The following AK8 variants were observed in gnomAD, a reference collection of about 807,000 sequenced individuals.
AK8 encodes ATP-AMP transphosphorylase 8.
In AK8, 44 loss-of-function variants were observed where a neutral mutation model predicts 54.6. The ratio of observed to expected loss-of-function variants is 0.81; its 90% CI spans 0.63 to 1.04. AK8 has a LOEUF of 1.04. AK8 is among the 50% of genes least tolerant of loss of function. The pLI is 0.00. For synonymous variants in AK8, 239 were observed against 245.6 expected, an observed-to-expected ratio of 0.97 and a Z score of 0.25; for missense variants, 555 against 613.6, an observed-to-expected ratio of 0.90 and a Z score of 1.01.
At chr9:132,846,236 G>A (rs1463987486) in intron 5 of AK8, among the ~76,000 whole-genome samples, 3 of 152,246 alleles carry the variant, frequency 2.0e-5, no homozygotes, top group Non-Finnish European at 4.4e-5. Context: ...GTGGTATCCA[G>A]ACACCCACCC....
chr9:132,730,090 T>C (rs1022684824), intron 11 of AK8, among the ~76,000 whole-genome samples: 2 of 152,148 alleles, frequency 1.3e-5, no homozygotes, highest in Admixed American at 6.5e-5. Context: ...AAACTAAATA[T>C]GGTTTCAGGA....
chr9:132,869,721 T>C (rs938154433), intron 2 of AK8, among the ~76,000 whole-genome samples: 1 of 152,104 alleles, frequency 6.6e-6, no homozygotes, highest in African/African-American at 2.4e-5. Flanking sequence ...AGGACAAGTA[T>C]GGAAACCAGG....
In AK8 at chr9:132,804,566, G is replaced by C. The variant is rs541386886; in HGVS notation, c.979+10072C>G. ...GGCTTCCACAGGCTCTTCCCAGGGA[G>C]GGGGGTGGGAGCAGGTACATCCCTC... On this transcript the variant is annotated intron_variant, in intron 10 of 12. Coordinates refer to ENST00000298545, the MANE Select transcript of AK8 (RefSeq NM_152572.3). Among the ~76,000 whole-genome samples, 10 of 152,176 alleles carry C rather than the reference G, an allele frequency of 6.6e-5. No individual in the cohort carries two copies. In the Middle Eastern group the frequency reaches 0.01, roughly 155 times the overall value.
intron 2 of AK8, among the ~76,000 whole-genome samples, chr9:132,870,981 C>T (rs1380731283): frequency 6.6e-6 from 1 of 152,236 alleles, no homozygotes; most frequent in Non-Finnish European, 1.5e-5. Context: ...TATGGTGGCT[C>T]ATGCCTGTAA....
intron 11 of AK8, among the ~76,000 whole-genome samples, chr9:132,786,881 T>C (rs1405627828): frequency 1.3e-5 from 2 of 151,982 alleles, no homozygotes; most frequent in African/African-American, 4.8e-5. Flanking sequence ...AAATCAAATA[T>C]GTCATTAACA....
chr9:132,785,600 T>C (rs770265678), intron 11 of AK8, among the ~76,000 whole-genome samples: 6 of 151,906 alleles, frequency 3.9e-5, no homozygotes, highest in South Asian at 4.2e-4. Flanking sequence ...AAAGAAAAGA[T>C]GGAAAACAAA....
At chr9:132,800,295 T>TTGG (rs1309757832) in intron 10 of AK8, among the ~76,000 whole-genome samples, 1 of 152,186 alleles carries the variant, frequency 6.6e-6, no homozygotes, top group African/African-American at 2.4e-5. Context: ...GGTGTTTCTG[T>TTGG]TGGTGATGCC....
chr9:132,878,498 C>T (rs1049181407), upstream of AK8: 14 of 1,203,788 alleles, frequency 1.2e-5, no homozygotes, highest in Non-Finnish European at 1.4e-5. The surrounding 1 kb of genome is among the most constrained non-coding windows in gnomAD (Gnocchi z 4.7). Context: ...CGGGGGACAC[C>T]CTCAGGTGGC....
rs933181186 is a variant in AK8 at position 132,837,419 on chromosome 9, G to A, written c.403-8693C>T. Reference sequence around the variant, plus strand: ...CCTGCTAGCTCTCGGGAGCAGACGTGGCACCTCTGACTCTCTGCTCAGCCT... The same window carrying A: ...CCTGCTAGCTCTCGGGAGCAGACGTAGCACCTCTGACTCTCTGCTCAGCCT... On this transcript the variant is annotated intron_variant, in intron 5 of 12. Coordinates refer to ENST00000298545, the MANE Select transcript of AK8 (RefSeq NM_152572.3). The surrounding 1 kb of genome is among the most constrained non-coding windows in gnomAD (Gnocchi z 4.3). 6.6e-6 allele frequency among the ~76,000 whole-genome samples: 1 copy of A among 152,032 alleles called. No homozygotes were observed. Among genetic ancestry groups the A allele is most frequent in the Admixed American group, 6.5e-5 (1 of 15,270 alleles).
intron 11 of AK8, among the ~76,000 whole-genome samples, chr9:132,731,376 T>C (rs1191702497): frequency 6.6e-6 from 1 of 152,072 alleles, no homozygotes; most frequent in African/African-American, 2.4e-5. Context: ...AAAGGATTCT[T>C]TTGGGCGTGT....
At chr9:132,798,284 G>A (rs376439721) in intron 10 of AK8, among the ~76,000 whole-genome samples, 1 of 152,202 alleles carries the variant, frequency 6.6e-6, no homozygotes, top group African/African-American at 2.4e-5. Flanking sequence ...CCTCTCTGAG[G>A]CTCGGTGTCT....
chr9:132,725,986 G>T, intron 12 of AK8, 61 bp from the exon 13 acceptor site: 1 of 1,486,716 alleles, frequency 6.7e-7, no homozygotes, highest in Non-Finnish European at 9.3e-7. Context: ...GGGAGAAAGG[G>T]ACCCTCTACT....
chr9:132,755,746 A>G (rs1292380135), intron 11 of AK8, among the ~76,000 whole-genome samples: 1 of 151,238 alleles, frequency 6.6e-6, no homozygotes, highest in Non-Finnish European at 1.5e-5. Flanking sequence ...GCCTCAGGCC[A>G]ATGACTGGCT....
intron 4 of AK8, among the ~76,000 whole-genome samples, 182 bp downstream of exon 4, chr9:132,863,483 C>T (rs1248871171): frequency 6.6e-6 from 1 of 152,254 alleles, no homozygotes; most frequent in Non-Finnish European, 1.5e-5. Context: ...AGGACGTGAG[C>T]CCAGTAAAGA....
chr9:132,874,428 C>T (rs1434784464), intron 2 of AK8: 1 of 152,524 alleles, frequency 6.6e-6, no homozygotes, highest in African/African-American at 2.4e-5. Context: ...ACTGGTAGCT[C>T]CTTCAAAGCA....
chr9:132,736,852 T>C (rs1251426239), intron 11 of AK8, among the ~76,000 whole-genome samples: 3 of 150,790 alleles, frequency 2.0e-5, no homozygotes, highest in Non-Finnish European at 4.4e-5. Flanking sequence ...TTGAAGACAT[T>C]ATGCTAAGTA....
intron 11 of AK8, among the ~76,000 whole-genome samples, chr9:132,733,785 A>AG (rs1160086177): frequency 1.3e-5 from 2 of 152,190 alleles, no homozygotes; most frequent in African/African-American, 4.8e-5. Flanking sequence ...AAAGGGAGAA[A>AG]GGTGAAAGCA....
rs149250766 is a variant in AK8 at position 132,743,488 on chromosome 9, C to T, written c.1122-15954G>A. 1.9e-3 allele frequency among the ~76,000 whole-genome samples: 294 copies of T among 152,348 alleles called. 1 individual carries two copies. Among genetic ancestry groups the T allele is most frequent in the Non-Finnish European group, 3.1e-3 (214 of 68,028 alleles). On this transcript the variant is annotated intron_variant, in intron 11 of 12. Coordinates refer to ENST00000298545, the MANE Select transcript of AK8 (RefSeq NM_152572.3). The stretch of plus-strand genomic sequence containing the variant: ...TACATAAGCACATTCCAGTGTTCCT[C>T]TGCCACAGCACTGTCGCTACCCACC...
Position 132,806,336 on chromosome 9 carries a change from C to T in AK8, c.979+8302G>A, listed in dbSNP as rs1433714885. ...CTTTAAAAAAATAAAGGCTCCTGTT[C>T]CCCCAAGCACTGTACCGGTTACTGT... On this transcript the variant is annotated intron_variant, in intron 10 of 12. Transcript: ENST00000298545. Among the ~76,000 whole-genome samples, 4 of 152,102 alleles carry T rather than the reference C, an allele frequency of 2.6e-5. 1 individual carries two copies. The South Asian group carries it at 8.3e-4, about 32-fold the overall frequency.
Sources: allele counts gnomAD v4.1 joint callset (sites outside exome capture counted in the v4.1 genomes callset), GRCh38; gene constraint gnomAD v4.1.1; non-coding constraint Gnocchi (gnomAD v3.1); transcripts MANE v1.5; gene names NCBI Gene and HGNC (gene_info 2026-07-23, HGNC 2026-07-21).